RAP1A: variants seen among roughly 807,000 people sequenced by gnomAD.
RAP1A encodes the protein RAP1A, member of RAS oncogene family, also known as ras-related protein Rap-1A.
A neutral mutation model predicts 26.4 loss-of-function variants in RAP1A; 6 were observed. The ratio of observed to expected loss-of-function variants is 0.23; its 90% confidence interval spans 0.12 to 0.45. The LOEUF (loss-of-function observed/expected upper bound fraction) is 0.45. Among genes scored for constraint, RAP1A ranks in the 20% least tolerant of loss-of-function variants. The pLI is 0.99. For missense variants in RAP1A, 121 were observed against 217.2 expected (o/e 0.56, Z 2.78); for synonymous variants, 73 against 79.4 (o/e 0.92, Z 0.43).
At chr1:111,611,450 C>T (rs529835) in intron 1 of RAP1A, among the ~76,000 whole-genome samples, 126,726 of 152,198 alleles carry the variant, frequency 0.83, 52,931 homozygotes, top group South Asian at 0.87. Context: ...AGCTCCACTT[C>T]AGATTTTTTT....
At chr1:111,682,196 A>G (rs1417067644) in intron 1 of RAP1A, among the ~76,000 whole-genome samples, 1 of 152,228 alleles carries the variant, frequency 6.6e-6, no homozygotes, top group Non-Finnish European at 1.5e-5. Flanking sequence ...TGAAGGAAGC[A>G]CTAAATATGG....
intron 1 of RAP1A, among the ~76,000 whole-genome samples, chr1:111,690,906 A>G (rs1661645886): frequency 6.6e-6 from 1 of 152,336 alleles, no homozygotes; most frequent in East Asian, 1.9e-4. Context: ...ATAGTATAGA[A>G]TTACTGTAGG....
intron 1 of RAP1A, among the ~76,000 whole-genome samples, chr1:111,627,896 T>C (rs530838789): frequency 4.4e-4 from 66 of 151,720 alleles, no homozygotes; most frequent in Middle Eastern, 3.4e-3. Context: ...TTATTTCAGA[T>C]AGATGAGGGG....
chr1:111,591,396 A>G (rs1364761579), intron 1 of RAP1A, among the ~76,000 whole-genome samples: 1 of 152,052 alleles, frequency 6.6e-6, no homozygotes, highest in East Asian at 1.9e-4. Flanking sequence ...CCATTATTCA[A>G]TGTCTTGAGA....
rs1571501692 is a variant in RAP1A at position 111,619,933 on chromosome 1, G to A, written c.-29G>A. 7.5e-6 allele frequency: 3 copies of A among 398,424 alleles called. No homozygotes were observed. In the Admixed American group the frequency reaches 1.3e-4, roughly 18 times the overall value. The allele number at this position is 398,424 out of a possible 1,614,324, so 24.7% of individuals were successfully genotyped here. A position where few individuals can be genotyped will look rare whatever the true frequency, so the allele number is the denominator to read the frequency against. ...AGGTGGAGGAGGCGCCGGACCGGGG[G>A]GGTGAGTAAGGGGCGGGGAGCTCCA... On this transcript the variant is annotated splice_region_variant and 5_prime_UTR_variant, in exon 1 of 8. Coordinates refer to ENST00000369709, the MANE Select transcript of RAP1A (RefSeq NM_002884.4).
chr1:111,693,911 T>TTTA (rs1553227093), intron 2 of RAP1A, among the ~76,000 whole-genome samples: 3 of 151,576 alleles, frequency 2.0e-5, no homozygotes, highest in African/African-American at 4.9e-5. Context: ...TTTTTTTTTT[T>TTTA]AAATCTTGAA....
chr1:111,586,749 G>A (rs911070279), intron 1 of RAP1A, among the ~76,000 whole-genome samples: 1 of 152,136 alleles, frequency 6.6e-6, no homozygotes, highest in Non-Finnish European at 1.5e-5. Flanking sequence ...ATAGATGAAA[G>A]GATGAATGAA....
chr1:111,577,310 G>C (rs1034395960), intron 1 of RAP1A, among the ~76,000 whole-genome samples: 1 of 144,218 alleles, frequency 6.9e-6, no homozygotes, highest in Non-Finnish European at 1.5e-5. Flanking sequence ...GCTGAGGCAG[G>C]AGAATCCCTT....
At chr1:111,664,483 A>T (rs1660742939) in intron 1 of RAP1A, among the ~76,000 whole-genome samples, 3 of 150,640 alleles carry the variant, frequency 2.0e-5, no homozygotes, top group African/African-American at 7.3e-5. Flanking sequence ...ACTTTTTTTT[A>T]AATATAAGTT....
intron 1 of RAP1A, among the ~76,000 whole-genome samples, chr1:111,666,718 A>G (rs1299831864): frequency 6.6e-6 from 1 of 152,196 alleles, no homozygotes; most frequent in African/African-American, 2.4e-5. Context: ...AAGAGTATAT[A>G]AAGTTTTGAC....
upstream of RAP1A, chr1:111,619,749 G>A (rs1364099095): frequency 1.8e-5 from 7 of 394,898 alleles, no homozygotes; most frequent in South Asian, 1.3e-4. Flanking sequence ...AGGGGGCGGG[G>A]CCTGCGTGGT....
chr1:111,620,464 C>G (rs1659161564), intron 1 of RAP1A, among the ~76,000 whole-genome samples: 1 of 152,090 alleles, frequency 6.6e-6, no homozygotes, highest in South Asian at 2.1e-4. Flanking sequence ...ACACGGGGAA[C>G]GGGGTTGGAG....
chr1:111,582,390 T>C (rs1363890217), intron 1 of RAP1A, among the ~76,000 whole-genome samples: 1 of 152,216 alleles, frequency 6.6e-6, no homozygotes, highest in Non-Finnish European at 1.5e-5. Flanking sequence ...TAATTGAGCC[T>C]CCCTATCCTC....
chr1:111,612,337 G>C (rs1658939184), intron 1 of RAP1A, among the ~76,000 whole-genome samples: 1 of 152,174 alleles, frequency 6.6e-6, no homozygotes, highest in Admixed American at 6.5e-5. Flanking sequence ...CTAAGTAGCA[G>C]CTTCCTTCCA....
upstream of RAP1A, among the ~76,000 whole-genome samples, chr1:111,615,753 C>T (rs1659001229): frequency 6.6e-6 from 1 of 150,952 alleles, no homozygotes; most frequent in South Asian, 2.1e-4. Context: ...ATCGCTTGAA[C>T]CTGGGAGGTG....
At chr1:111,695,851 T>G (rs1436124551) in intron 3 of RAP1A, among the ~76,000 whole-genome samples, 1 of 152,228 alleles carries the variant, frequency 6.6e-6, no homozygotes, top group Non-Finnish European at 1.5e-5. Flanking sequence ...AATTGGGTTA[T>G]ATGCCATACA....
At chr1:111,568,373 C>A (rs1410406214) in intron 1 of RAP1A, among the ~76,000 whole-genome samples, 4 of 152,220 alleles carry the variant, frequency 2.6e-5, no homozygotes, top group African/African-American at 7.2e-5. Flanking sequence ...GAGGAACCCA[C>A]ACGTGGTGGG....
At chr1:111,683,483 T>C (rs1055857448) in intron 1 of RAP1A, among the ~76,000 whole-genome samples, 1 of 151,932 alleles carries the variant, frequency 6.6e-6, no homozygotes, top group African/African-American at 2.4e-5. Context: ...AAAGGGGATA[T>C]CACCACTGAT....
intron 1 of RAP1A, chr1:111,648,787 C>T (rs752503317): frequency 2.3e-4 from 148 of 643,524 alleles, no homozygotes; most frequent in Non-Finnish European, 3.6e-4. Flanking sequence ...TTGTCTAGCT[C>T]CTGTCGATTC....
Sources: allele counts gnomAD v4.1 joint callset (sites outside exome capture counted in the v4.1 genomes callset), GRCh38; gene constraint gnomAD v4.1.1; transcripts MANE v1.5; gene names NCBI Gene and HGNC (gene_info 2026-07-23, HGNC 2026-07-21).